Variants in ARMC3 observed in about 807,000 individuals in gnomAD.
ARMC3 encodes armadillo repeat containing 3, also known as armadillo repeat-containing protein 3.
Under a neutral mutation model 90.3 loss-of-function variants are expected in ARMC3, and 74 were observed. The ratio of observed to expected loss-of-function variants is 0.82; its 90% CI spans 0.68 to 0.99. ARMC3 has a LOEUF of 0.99. ARMC3 is among the 50% of genes least tolerant of loss of function. ARMC3 has a pLI of 0.00. For synonymous variants in ARMC3, 334 were observed against 361.8 expected (o/e 0.92, Z 0.87); for missense variants, 958 against 1,042.8 (o/e 0.92, Z 1.12).
intron 1 of ARMC3, among the ~76,000 whole-genome samples, chr10:22,931,136 C>G (rs1197814210): frequency 6.6e-6 from 1 of 152,148 alleles, no homozygotes; most frequent in East Asian, 1.9e-4. Flanking sequence ...ACTGTGTTGG[C>G]CAGGATGGTC....
chr10:23,007,867 GT>G (rs1837703292), intron 14 of ARMC3, among the ~76,000 whole-genome samples: 1 of 152,158 alleles, frequency 6.6e-6, no homozygotes, highest in Admixed American at 6.5e-5. Flanking sequence ...CCTTTGTGAG[GT>G]TGATGCAGGA....
In ARMC3 at chr10:22,955,854, TTAAC is replaced by T. The variant is rs1324087993; in HGVS notation, c.218_221del (p.Thr73SerfsTer10). 6.2e-7 allele frequency: 1 copy of T among 1,614,030 alleles called. No homozygotes were observed. Among genetic ancestry groups the T allele is most frequent in the Non-Finnish European group, 8.5e-7 (1 of 1,179,900 alleles). ...CCTTGAACTTGGAGCTGTGGAACCT[TTAAC>T]TAAGCTACTCACCCATGAAGACAAA... is the stretch of plus-strand genomic sequence containing the variant. On this transcript the variant is annotated frameshift_variant, in exon 4 of 19. Transcript: ENST00000298032. LOFTEE classifies it high-confidence loss of function.
intron 14 of ARMC3, among the ~76,000 whole-genome samples, chr10:23,008,030 G>A (rs768604823): frequency 2.4e-4 from 37 of 152,122 alleles, no homozygotes; most frequent in Admixed American, 3.9e-4. Flanking sequence ...CTTGAGCCCC[G>A]GAGGTCAAGG....
rs35508443 is a variant in ARMC3, at chr10:22,963,922, CAAAAAAAAAAAAAAAAAA to C, written c.732+1855_732+1872del. Among the ~76,000 whole-genome samples, 264 of 58,558 alleles carry C rather than the reference CAAAAAAAAAAAAAAAAAA, an allele frequency of 4.5e-3. 1 individual carries two copies. The highest frequency in any genetic ancestry group is 6.5e-3 in the Non-Finnish European group (226 of 34,886). 38.4% of individuals were successfully genotyped at this position (58,558 alleles called of 152,430 possible). A position where few individuals can be genotyped will look rare whatever the true frequency, so the allele number is the denominator to read the frequency against. The stretch of plus-strand genomic sequence containing the variant: ...ACACACACACACACACACACACACA[CAAAAAAAAAAAAAAAAAA>C]AAAAAAAAAAGACTAACAAACTGGA... On this transcript the variant is annotated intron_variant, in intron 7 of 18. Coordinates refer to ENST00000298032, the MANE Select transcript of ARMC3 (RefSeq NM_173081.5).
intron 3 of ARMC3, 168 bp downstream of exon 3, chr10:22,946,429 A>C: frequency 2.1e-6 from 1 of 466,870 alleles, no homozygotes; most frequent in Non-Finnish European, 3.8e-6. Flanking sequence ...TCTCTTCCTG[A>C]GTTCCTAGCT....
chr10:23,027,431 A>G (rs979356709), intron 16 of ARMC3, among the ~76,000 whole-genome samples: 1 of 152,184 alleles, frequency 6.6e-6, no homozygotes, highest in Non-Finnish European at 1.5e-5. Context: ...TTTGATTTGC[A>G]CATGTTCCTT....
At chr10:23,008,395 C>A in intron 15 of ARMC3, 21 bp downstream of exon 15, 1 of 1,280,224 alleles carries the variant, frequency 7.8e-7, no homozygotes, top group Non-Finnish European at 1.1e-6. Context: ...GATGTTTTAT[C>A]TGTATGCAAA....
chr10:23,003,694 G>A (rs1288509490), intron 13 of ARMC3, among the ~76,000 whole-genome samples: 1 of 152,188 alleles, frequency 6.6e-6, no homozygotes, highest in Non-Finnish European at 1.5e-5. Flanking sequence ...GCCTGGTGAT[G>A]CATATCTGTA....
At chr10:22,953,676 G>A (rs1231357138) in intron 3 of ARMC3, among the ~76,000 whole-genome samples, 1 of 152,164 alleles carries the variant, frequency 6.6e-6, no homozygotes, top group Non-Finnish European at 1.5e-5. Context: ...GGAGATTCTA[G>A]CCAATGCAAT....
intron 16 of ARMC3, chr10:23,014,013 C>T: frequency 1.4e-6 from 2 of 1,478,112 alleles, no homozygotes; most frequent in Non-Finnish European, 1.8e-6. Flanking sequence ...ACAGTATGTC[C>T]AGGGAGAACA....
At chr10:23,015,611 C>T (rs1475792824) in intron 16 of ARMC3, among the ~76,000 whole-genome samples, 1 of 152,184 alleles carries the variant, frequency 6.6e-6, no homozygotes, top group Admixed American at 6.5e-5. Flanking sequence ...CTGATCATGT[C>T]TAGAGCCTTT....
At chr10:22,930,211 T>C (rs2131106749) in intron 1 of ARMC3, among the ~76,000 whole-genome samples, 1 of 152,282 alleles carries the variant, frequency 6.6e-6, no homozygotes, top group Middle Eastern at 3.4e-3. Context: ...GCCTGAAATA[T>C]TATAGGCACA....
chr10:22,993,800 A>G (rs1484587119), intron 10 of ARMC3, among the ~76,000 whole-genome samples: 2 of 152,188 alleles, frequency 1.3e-5, no homozygotes, highest in Non-Finnish European at 2.9e-5. Flanking sequence ...TGCCAGAGGG[A>G]TAGGGAAGGG....
intron 10 of ARMC3, 38 bp downstream of exon 10, chr10:22,981,738 G>A (rs376833057): frequency 1.3e-6 from 2 of 1,524,886 alleles, no homozygotes; most frequent in Non-Finnish European, 1.8e-6. Flanking sequence ...TGACTTGTGG[G>A]ACAATTCACA....
intron 10 of ARMC3, among the ~76,000 whole-genome samples, chr10:22,992,267 CA>C (rs1836742950): frequency 6.6e-6 from 1 of 152,188 alleles, no homozygotes; most frequent in Non-Finnish European, 1.5e-5. Flanking sequence ...GGGTAGCACT[CA>C]CTATTCTCTT....
At chr10:23,014,499 A>C (rs1012771120) in intron 16 of ARMC3, 12 of 1,012,974 alleles carry the variant, frequency 1.2e-5, no homozygotes, top group Admixed American at 5.2e-5. Context: ...AGCCATTGGG[A>C]ATATTTTATG....
rs1257391691 is a variant in ARMC3, at chr10:22,981,366, C to G, written c.943C>G (p.Gln315Glu). The change falls in exon 9 of 19, where the codon CAA becomes GAA. Residue 315 changes from glutamine (Q) to glutamate (E), a missense_variant. Physicochemically the swap from Gln to Glu is conservative, Grantham distance 29. Transcript: ENST00000298032. ...DPENRKLFHE[Q>E]EVEKCLVALL... Reference sequence around the variant, plus strand: ...TGAAAATAGAAAACTTTTTCATGAACAAGAGGTTGAAAAGTGCCTTGTAGC... The same window carrying G: ...TGAAAATAGAAAACTTTTTCATGAAGAAGAGGTTGAAAAGTGCCTTGTAGC... 1 of 1,604,772 alleles carries G rather than the reference C, an allele frequency of 6.2e-7. No individual in the cohort carries two copies. Among genetic ancestry groups the G allele is most frequent in the South Asian group, 1.1e-5 (1 of 88,242 alleles).
chr10:22,972,866 T>G (rs889251857), intron 8 of ARMC3, among the ~76,000 whole-genome samples: 1 of 152,232 alleles, frequency 6.6e-6, no homozygotes, highest in Non-Finnish European at 1.5e-5. Flanking sequence ...CATTTCAGTC[T>G]TATGCAGCAA....
intron 3 of ARMC3, among the ~76,000 whole-genome samples, chr10:22,947,317 CAACCA>C (rs1191617861): frequency 7.8e-6 from 1 of 128,244 alleles, no homozygotes; most frequent in Non-Finnish European, 1.6e-5. Flanking sequence ...AAAAACAAAC[CAACCA>C]ACCAAAAAAA....
Sources: gnomAD v4.1 joint callset for allele counts (sites outside exome capture counted in the v4.1 genomes callset) on GRCh38, gnomAD v4.1.1 for gene constraint, MANE v1.5 for transcripts, NCBI Gene and HGNC (gene_info 2026-07-23, HGNC 2026-07-21) for gene names.